The following ADISSP variants were observed in gnomAD, a reference collection of about 807,000 sequenced individuals.
The protein encoded by ADISSP is adipose secreted signaling protein.
chr20:3,760,615 G>A, the ADISSP span, among the ~76,000 whole-genome samples: 1 of 152,238 alleles, frequency 6.6e-6, no homozygotes, highest in Non-Finnish European at 1.5e-5. Context: ...CAATGCAGCT[G>A]GGTGCGGTCA....
chr20:3,765,482 T>C, the ADISSP span, among the ~76,000 whole-genome samples: 1 of 152,234 alleles, frequency 6.6e-6, no homozygotes, highest in African/African-American at 2.4e-5. Context: ...AGCAGTGGCC[T>C]CTTCCTTCCA....
chr20:3,759,326 C>T, the ADISSP span, among the ~76,000 whole-genome samples: 1 of 152,208 alleles, frequency 6.6e-6, no homozygotes, highest in Non-Finnish European at 1.5e-5. This position sits in a 1 kb window ranked among gnomAD's most constrained non-coding sequence, Gnocchi z 4.6. Context: ...CCCCTTCCTT[C>T]CTCTGTCTAG....
the ADISSP span, chr20:3,768,103 T>A: frequency 6.6e-6 from 1 of 152,172 alleles, no homozygotes; most frequent in Non-Finnish European, 1.5e-5. Context: ...AGGACGCACC[T>A]CCCTTGGGCC....
the ADISSP span, among the ~76,000 whole-genome samples, chr20:3,757,083 G>T: frequency 1.3e-5 from 2 of 151,906 alleles, no homozygotes; most frequent in Admixed American, 1.3e-4. Context: ...AGGTGTGGTG[G>T]CTCACGCCTG....
the ADISSP span, among the ~76,000 whole-genome samples, chr20:3,765,926 T>C: frequency 6.6e-6 from 1 of 151,652 alleles, no homozygotes; most frequent in African/African-American, 2.4e-5. Flanking sequence ...TGAGATGGAG[T>C]GTCAGCAAGC....
chr20:3,761,404 C>T, the ADISSP span, among the ~76,000 whole-genome samples: 27 of 151,280 alleles, frequency 1.8e-4, no homozygotes, highest in Non-Finnish European at 2.9e-4. Context: ...GGCACGATCT[C>T]GGCTAACTGC....
At chr20:3,756,431 G>GCCCC in the ADISSP span, among the ~76,000 whole-genome samples, 1 of 100,888 alleles carries the variant, frequency 9.9e-6, no homozygotes, top group African/African-American at 3.4e-5. Flanking sequence ...GAGCAGGGGG[G>GCCCC]CTGGTGGGGG....
At chr20:3,760,111 C>T in the ADISSP span, 129 of 1,608,558 alleles carry the variant, frequency 8.0e-5, no homozygotes, top group South Asian at 9.0e-4. Context: ...GGACGCCCTC[C>T]CTGCCACGCA....
chr20:3,760,004 T>A, the ADISSP span: 7 of 1,607,244 alleles, frequency 4.4e-6, no homozygotes, highest in Non-Finnish European at 6.0e-6. Context: ...GTGCGGGCCC[T>A]ACCTGCAGCA....
At chr20:3,766,665 G>A in the ADISSP span, among the ~76,000 whole-genome samples, 1 of 152,214 alleles carries the variant, frequency 6.6e-6, no homozygotes, top group Non-Finnish European at 1.5e-5. Flanking sequence ...CAGGGGGTCA[G>A]CCAAGGTGAG....
chr20:3,754,522 G>A, the ADISSP span: 1 of 1,606,272 alleles, frequency 6.2e-7, no homozygotes, highest in Non-Finnish European at 8.5e-7. Context: ...ACTATAACCT[G>A]CCCGGGGACA....
chr20:3,758,296 A>G, the ADISSP span, among the ~76,000 whole-genome samples: 2 of 152,100 alleles, frequency 1.3e-5, no homozygotes, highest in African/African-American at 2.4e-5. This position sits in a 1 kb window ranked among gnomAD's most constrained non-coding sequence, Gnocchi z 5.5. Context: ...TTCCATTGCT[A>G]TTGTCTGGGT....
At chr20:3,764,276 C>T in the ADISSP span, among the ~76,000 whole-genome samples, 5 of 152,228 alleles carry the variant, frequency 3.3e-5, no homozygotes, top group Non-Finnish European at 7.3e-5. Context: ...GCCCAGTGTC[C>T]TCAAGGTCCC....
chr20:3,761,324 G>A, the ADISSP span, among the ~76,000 whole-genome samples: 5 of 148,364 alleles, frequency 3.4e-5, no homozygotes, highest in Admixed American at 3.3e-4. Flanking sequence ...CAGAGGACCT[G>A]GTATGGTTTT....
At chr20:3,756,667 GA>G in the ADISSP span, among the ~76,000 whole-genome samples, 2 of 152,228 alleles carry the variant, frequency 1.3e-5, no homozygotes, top group African/African-American at 4.8e-5. Flanking sequence ...CATCCCTCAA[GA>G]AGGCTTTCTG....
the ADISSP span, chr20:3,754,569 TC>T: frequency 6.3e-7 from 1 of 1,590,830 alleles, no homozygotes; most frequent in South Asian, 1.1e-5. Context: ...GCCTCCCCGA[TC>T]CTGCCCCTGG....
chr20:3,759,936 A>G, the ADISSP span: 8 of 1,366,562 alleles, frequency 5.9e-6, no homozygotes, highest in Admixed American at 1.7e-5. The surrounding 1 kb of genome is among the most constrained non-coding windows in gnomAD (Gnocchi z 4.6). Flanking sequence ...CATAGTCCCA[A>G]TCACATTCGC....
At chr20:3,754,312 T>C in the ADISSP span, 1 of 1,544,082 alleles carries the variant, frequency 6.5e-7, no homozygotes, top group Non-Finnish European at 8.9e-7. Context: ...GATCCCTTGT[T>C]CAGCCTTGGT....
the ADISSP span, among the ~76,000 whole-genome samples, chr20:3,762,173 G>A: frequency 1.7e-4 from 26 of 152,130 alleles, no homozygotes; most frequent in Non-Finnish European, 2.9e-5. Flanking sequence ...TTGGGAGGTT[G>A]AGGCAGGAGA....
Sources: allele counts gnomAD v4.1 joint callset (sites outside exome capture counted in the v4.1 genomes callset), GRCh38; gene constraint gnomAD v4.1.1; non-coding constraint Gnocchi (gnomAD v3.1); transcripts MANE v1.5; gene names NCBI Gene and HGNC (gene_info 2026-07-23, HGNC 2026-07-21).